The following RAPGEF2 variants were observed in gnomAD, a reference collection of about 807,000 sequenced individuals.
The protein encoded by RAPGEF2 is PDZ domain containing guanine nucleotide exchange factor (GEF) 1.
Under a neutral mutation model 186.7 loss-of-function variants are expected in RAPGEF2, and 54 were observed. That is an observed-to-expected ratio of 0.29 (90% CI 0.23 to 0.36). The LOEUF is 0.36. RAPGEF2 is among the 10% of genes least tolerant of loss of function. The pLI is 1.00. For synonymous variants in RAPGEF2, 712 were observed against 705.9 expected (o/e 1.01, Z -0.14); for missense variants, 1,532 against 2,045.0 (o/e 0.75, Z 4.84).
intron 7 of RAPGEF2, among the ~76,000 whole-genome samples, chr4:159,246,767 ATTAT>A (rs1215181447): frequency 1.3e-5 from 2 of 152,094 alleles, no homozygotes; most frequent in Non-Finnish European, 2.9e-5. Context: ...TTTATCATTT[ATTAT>A]TTATTCAGTT....
At chr4:159,135,498 A>C (rs999754030) in intron 1 of RAPGEF2, among the ~76,000 whole-genome samples, 1 of 152,168 alleles carries the variant, frequency 6.6e-6, no homozygotes, top group African/African-American at 2.4e-5. Context: ...ACAAGATTGC[A>C]TTTCCTTTAA....
intron 7 of RAPGEF2, among the ~76,000 whole-genome samples, chr4:159,296,737 T>C (rs1298594208): frequency 1.3e-5 from 2 of 152,210 alleles, no homozygotes; most frequent in African/African-American, 4.8e-5. Flanking sequence ...TTGTTATCTT[T>C]GGAAAAATGG....
chr4:159,149,536 T>C (rs1374838995), intron 1 of RAPGEF2, among the ~76,000 whole-genome samples: 2 of 152,146 alleles, frequency 1.3e-5, no homozygotes, highest in Non-Finnish European at 2.9e-5. Flanking sequence ...GGATTACAGG[T>C]GTGAGCCACC....
chr4:159,197,438 C>CAT (rs397798600), intron 3 of RAPGEF2, among the ~76,000 whole-genome samples: 11 of 152,010 alleles, frequency 7.2e-5, no homozygotes, highest in East Asian at 1.9e-4. Context: ...CACACACACA[C>CAT]GCCCACACTA....
intron 4 of RAPGEF2, among the ~76,000 whole-genome samples, chr4:159,226,601 C>T (rs756974984): frequency 2.0e-5 from 3 of 152,158 alleles, no homozygotes; most frequent in Non-Finnish European, 4.4e-5. Flanking sequence ...CTTTCCAAAC[C>T]GCGAACTCTT....
chr4:159,253,708 C>G (rs1362052530), intron 7 of RAPGEF2, among the ~76,000 whole-genome samples: 1 of 152,072 alleles, frequency 6.6e-6, no homozygotes, highest in East Asian at 1.9e-4. Flanking sequence ...GTGGCTCATG[C>G]CTGCAATCCC....
At position 159,346,063 on chromosome 4, in the gene RAPGEF2, G is replaced by A. The variant is rs185745855; in HGVS notation, c.3503-726G>A. ...GAAGAGCTTGTCCTCTGGAGTCAGA[G>A]TGGTCTGAGTTCAAATCCTGTTTGT... On this transcript the variant is annotated intron_variant, in intron 24 of 29. Coordinates refer to ENST00000691494, the MANE Select transcript of RAPGEF2 (RefSeq NM_001394067.2). Among the ~76,000 whole-genome samples the A allele has an allele frequency of 2.9e-3, 448 of 152,310 alleles. 3 individuals are homozygous for A. The highest frequency in any genetic ancestry group is 0.01 in the African/African-American group (422 of 41,570).
At chr4:159,251,922 CCA>C (rs1414542807) in intron 7 of RAPGEF2, among the ~76,000 whole-genome samples, 1 of 151,922 alleles carries the variant, frequency 6.6e-6, no homozygotes, top group Non-Finnish European at 1.5e-5. Flanking sequence ...TTTGGGTCTG[CCA>C]CGTCTTTAAG....
chr4:159,320,900 A>G (rs903641994), intron 9 of RAPGEF2, among the ~76,000 whole-genome samples: 1 of 152,118 alleles, frequency 6.6e-6, no homozygotes, highest in African/African-American at 2.4e-5. Flanking sequence ...AGTTTGAATG[A>G]TGTCATGACT....
intron 1 of RAPGEF2, among the ~76,000 whole-genome samples, chr4:159,131,097 TGAGAGAGA>T (rs10596468): frequency 0.65 from 96,106 of 148,092 alleles, 31,154 homozygotes; most frequent in East Asian, 0.8. Flanking sequence ...TGTGTGTGTG[TGAGAGAGA>T]GAGAGAGAGA....
At chr4:159,209,960 ATC>A (rs887968810) in intron 3 of RAPGEF2, among the ~76,000 whole-genome samples, 4 of 152,260 alleles carry the variant, frequency 2.6e-5, no homozygotes, top group African/African-American at 9.6e-5. Flanking sequence ...TGATGAAAAG[ATC>A]TCTGAGTTAT....
At chr4:159,243,739 C>T (rs185744545) in intron 6 of RAPGEF2, 35 bp from the exon 7 acceptor site, 2 of 1,254,996 alleles carry the variant, frequency 1.6e-6, no homozygotes, top group East Asian at 5.6e-5. Flanking sequence ...TTTTCCTTTC[C>T]TCCTTTATGG....
intron 26 of RAPGEF2, among the ~76,000 whole-genome samples, chr4:159,350,874 G>A (rs1472019765): frequency 6.6e-6 from 1 of 152,120 alleles, no homozygotes; most frequent in Non-Finnish European, 1.5e-5. Flanking sequence ...ATAATAAATG[G>A]CTAGGACGTA....
intron 4 of RAPGEF2, among the ~76,000 whole-genome samples, chr4:159,230,134 A>G (rs1470728789): frequency 6.6e-6 from 1 of 152,110 alleles, no homozygotes. Context: ...GTAGAAGGAG[A>G]AGACTATCAG....
At chr4:159,108,515 AG>A (rs1476405813) in intron 1 of RAPGEF2, among the ~76,000 whole-genome samples, 2 of 152,082 alleles carry the variant, frequency 1.3e-5, no homozygotes, top group African/African-American at 4.8e-5. Context: ...TTTTTAAGAA[AG>A]GAAGGATGCA....
intron 23 of RAPGEF2, 138 bp from the exon 24 acceptor site, chr4:159,344,968 C>T: frequency 1.5e-6 from 1 of 651,408 alleles, no homozygotes; most frequent in South Asian, 2.0e-5. Flanking sequence ...TTCTATATTC[C>T]TGTGTAACAG....
At chr4:159,255,698 A>AT (rs887470581) in intron 7 of RAPGEF2, among the ~76,000 whole-genome samples, 9 of 151,392 alleles carry the variant, frequency 5.9e-5, no homozygotes, top group African/African-American at 1.5e-4. Context: ...TTGGGTAGAG[A>AT]TTTTTTTTTA....
At position 159,104,526 on chromosome 4, in the gene RAPGEF2, G is replaced by GAC. The variant is rs756718888; in HGVS notation, c.69+295_69+296insAC. Among the ~76,000 whole-genome samples the GAC allele has an allele frequency of 2.8e-3, 314 of 112,048 alleles. 1 individual carries two copies. The highest frequency in any genetic ancestry group is 0.011 in the African/African-American group (291 of 26,678). The allele number at this position is 112,048 out of a possible 152,430, so 73.5% of individuals were successfully genotyped here. ...AGAGAGAGAGAGAGAGAGAGAGAGA[G>GAC]GGAGAGACAGAGAGAGAGAGAGAGA... On this transcript the variant is annotated intron_variant, in intron 1 of 29. Coordinates refer to ENST00000691494, the MANE Select transcript of RAPGEF2 (RefSeq NM_001394067.2).
intron 17 of RAPGEF2, among the ~76,000 whole-genome samples, chr4:159,337,800 G>A (rs1767641981): frequency 1.4e-5 from 2 of 143,774 alleles, no homozygotes; most frequent in African/African-American, 2.6e-5. Context: ...TGAGGCAGGA[G>A]AATGGCATGA....
Sources: gnomAD v4.1 joint callset for allele counts (sites outside exome capture counted in the v4.1 genomes callset) on GRCh38, gnomAD v4.1.1 for gene constraint, MANE v1.5 for transcripts, NCBI Gene and HGNC (gene_info 2026-07-23, HGNC 2026-07-21) for gene names.